NTRK2: variants seen among roughly 807,000 people sequenced by gnomAD.
NTRK2 encodes the protein neurotrophic receptor tyrosine kinase 2.
NTRK2 carries 13 observed loss-of-function variants against 94.5 expected under a neutral mutation model. That is an observed-to-expected ratio of 0.14 (90% CI 0.09 to 0.22). The LOEUF is 0.22. Ranked by LOEUF, NTRK2 falls within the 10% of genes least tolerant of loss-of-function variation. NTRK2 has a pLI of 1.00. For synonymous variants in NTRK2, 372 were observed against 407.4 expected (o/e 0.91, Z 1.05); for missense variants, 639 against 1,071.2 (o/e 0.60, Z 5.63).
intron 14 of NTRK2, among the ~76,000 whole-genome samples, chr9:84,891,040 T>C (rs1244170512): frequency 6.6e-6 from 1 of 152,206 alleles, no homozygotes; most frequent in Non-Finnish European, 1.5e-5. Context: ...TTTCCCATAG[T>C]CCCATGTGTC....
intron 12 of NTRK2, among the ~76,000 whole-genome samples, chr9:84,760,433 T>A (rs1015602355): frequency 1.3e-5 from 2 of 152,204 alleles, no homozygotes; most frequent in Admixed American, 6.5e-5. Flanking sequence ...ATGTCGCAAA[T>A]GTAAACAGTG....
intron 12 of NTRK2, among the ~76,000 whole-genome samples, chr9:84,771,248 CT>C (rs2066516119): frequency 6.6e-6 from 1 of 152,138 alleles, no homozygotes; most frequent in Non-Finnish European, 1.5e-5. Context: ...ATGGAAATTT[CT>C]TTCGTGGCTC....
In NTRK2 at chr9:84,839,969, A is replaced by C. The variant is rs910106210; in HGVS notation, c.1397-21071A>C. Among the ~76,000 whole-genome samples, 23 of 152,136 alleles carry C rather than the reference A, an allele frequency of 1.5e-4. 3 individuals are homozygous for C. The highest frequency in any genetic ancestry group is 1.0e-3 in the South Asian group (5 of 4,816). ...GAAATACGATGTTAGTAAGTGGTAC[A>C]TTTCACTGCCAACATCCCTCCCTTC... On this transcript the variant is annotated intron_variant, in intron 12 of 18. Coordinates refer to ENST00000277120, the MANE Select transcript of NTRK2 (RefSeq NM_006180.6).
intron 12 of NTRK2, among the ~76,000 whole-genome samples, chr9:84,761,995 A>T (rs929289523): frequency 2.0e-5 from 3 of 152,052 alleles, no homozygotes; most frequent in African/African-American, 7.2e-5. Context: ...TGTTCTCGTG[A>T]TAGTGAATAA....
At chr9:84,771,389 AG>A (rs1348890725) in intron 12 of NTRK2, among the ~76,000 whole-genome samples, 1 of 152,210 alleles carries the variant, frequency 6.6e-6, no homozygotes, top group Non-Finnish European at 1.5e-5. Context: ...AGAAGTTATC[AG>A]TCCATTGCAG....
chr9:84,895,982 T>C (rs1205089058), intron 14 of NTRK2, among the ~76,000 whole-genome samples: 2 of 152,238 alleles, frequency 1.3e-5, no homozygotes, highest in African/African-American at 4.8e-5. Flanking sequence ...GGTTCTAGGA[T>C]CTTTGGCCAC....
rs79830024 is a variant in NTRK2 at position 84,768,608 on chromosome 9, G to A, written c.1396+16523G>A. On this transcript the variant is annotated intron_variant, in intron 12 of 18. Transcript: ENST00000277120. ...TAAGGTGCCCATTAATCATCAATAT[G>A]ATCTCTCTGTTGGGACCCCCAGAAA... 3.0e-3 allele frequency among the ~76,000 whole-genome samples: 451 copies of A among 152,218 alleles called. 1 individual carries two copies. The highest frequency in any genetic ancestry group is 6.8e-3 in the Middle Eastern group (2 of 294).
chr9:84,893,951 C>T (rs944043327), intron 14 of NTRK2, among the ~76,000 whole-genome samples: 13 of 152,266 alleles, frequency 8.5e-5, no homozygotes, highest in African/African-American at 3.1e-4. Context: ...GAGAGGGTAA[C>T]ACAGATGGAA....
intron 12 of NTRK2, among the ~76,000 whole-genome samples, chr9:84,783,487 G>A (rs370827977): frequency 1.0e-3 from 157 of 152,294 alleles, no homozygotes; most frequent in African/African-American, 3.2e-3. Context: ...ATATGTGTCT[G>A]TATCAGGCAT....
At chr9:84,844,538 A>G (rs2074360845) in intron 12 of NTRK2, among the ~76,000 whole-genome samples, 1 of 152,018 alleles carries the variant, frequency 6.6e-6, no homozygotes, top group Non-Finnish European at 1.5e-5. Context: ...CCCTTCTGTT[A>G]TAAACAGCTG....
intron 17 of NTRK2, among the ~76,000 whole-genome samples, chr9:84,962,678 TCTC>T (rs1324097658): frequency 6.6e-6 from 1 of 152,148 alleles, no homozygotes; most frequent in Non-Finnish European, 1.5e-5. Flanking sequence ...CTAAGAGGTC[TCTC>T]CTCCTCCAGT....
chr9:84,741,741 A>T (rs1014008354), intron 9 of NTRK2, 151 bp from the exon 10 acceptor site: 7 of 666,550 alleles, frequency 1.1e-5, no homozygotes, highest in Non-Finnish European at 1.9e-5. Context: ...ACAACTCAAG[A>T]ACTTAAAGTT....
In NTRK2 at chr9:84,727,861, T is replaced by G. The variant is rs1360624294; in HGVS notation, c.1061T>G (p.Met354Arg). Reference sequence around the variant, plus strand: ...CTCCAGCTGGATAATCCCACTCACATGAACAATGGGGACTACACTCTAATA... The same window carrying G: ...CTCCAGCTGGATAATCCCACTCACAGGAACAATGGGGACTACACTCTAATA... ...GCLQLDNPTHMNNGDYTLIAK... is the reference protein window; with the variant it reads ...GCLQLDNPTHRNNGDYTLIAK... The change falls in exon 9 of 19, where the codon ATG becomes AGG. Residue 354 changes from methionine to arginine, a missense_variant. By Grantham distance (91) the Met-to-Arg change is moderately conservative. This residue lies in a region of NTRK2 where 343 missense variants were observed against 571.5 expected (regional missense o/e 0.60). Coordinates refer to ENST00000277120, the MANE Select transcript of NTRK2 (RefSeq NM_006180.6). 6.2e-7 allele frequency: 1 copy of G among 1,614,142 alleles called. No homozygotes were observed. Among genetic ancestry groups the G allele is most frequent in the East Asian group, 2.2e-5 (1 of 44,888 alleles).
At chr9:84,940,642 C>G (rs920087574) in intron 15 of NTRK2, among the ~76,000 whole-genome samples, 3 of 151,898 alleles carry the variant, frequency 2.0e-5, no homozygotes, top group African/African-American at 7.3e-5. Context: ...CCTCTGGGAA[C>G]AGAAGCAACC....
chr9:84,981,871 T>C (rs1324760386), intron 17 of NTRK2, among the ~76,000 whole-genome samples: 1 of 152,246 alleles, frequency 6.6e-6, no homozygotes, highest in Non-Finnish European at 1.5e-5. Context: ...AAATAGTTAA[T>C]TGGCTTAGCC....
chr9:84,870,258 CTA>C (rs1316158269), intron 14 of NTRK2, among the ~76,000 whole-genome samples: 1 of 128,528 alleles, frequency 7.8e-6, no homozygotes, highest in Non-Finnish European at 1.7e-5. Flanking sequence ...GTACACATAC[CTA>C]TATGCACACA....
intron 17 of NTRK2, among the ~76,000 whole-genome samples, chr9:84,999,512 T>C (rs1830113630): frequency 1.3e-5 from 2 of 152,246 alleles, no homozygotes; most frequent in Admixed American, 1.3e-4. Flanking sequence ...TGAGTACTAT[T>C]GCTATACTGA....
chr9:84,912,692 C>T (rs1317667809), intron 14 of NTRK2, among the ~76,000 whole-genome samples: 2 of 145,700 alleles, frequency 1.4e-5, no homozygotes, highest in Non-Finnish European at 3.0e-5. Flanking sequence ...GATCTTGGCT[C>T]ACTGCAAGCT....
intron 12 of NTRK2, among the ~76,000 whole-genome samples, chr9:84,752,719 G>A (rs1275862821): frequency 6.6e-6 from 1 of 152,068 alleles, no homozygotes; most frequent in Non-Finnish European, 1.5e-5. Context: ...AATTTTACAG[G>A]GAAAACTTGT....
Sources: gnomAD v4.1 joint callset for allele counts (sites outside exome capture counted in the v4.1 genomes callset) on GRCh38, gnomAD v4.1.1 for gene constraint, gnomAD v4.1.1 regional missense constraint, MANE v1.5 for transcripts, NCBI Gene and HGNC (gene_info 2026-07-23, HGNC 2026-07-21) for gene names.